DNA2: variants seen among roughly 807,000 people sequenced by gnomAD.
The protein encoded by DNA2 is DNA replication helicase/nuclease 2.
In DNA2, 101 loss-of-function variants were observed where a neutral mutation model predicts 119.1. The observed-to-expected ratio is 0.85, with a 90% CI of 0.72 to 1.00. DNA2 has a LOEUF of 1.00. DNA2 is among the 50% of genes least tolerant of loss of function. DNA2 has a pLI of 0.00. For synonymous variants in DNA2, 366 were observed against 424.4 expected, an observed-to-expected ratio of 0.86 and a Z score of 1.69; for missense variants, 1,121 against 1,255.5, an observed-to-expected ratio of 0.89 and a Z score of 1.62.
chr10:68,425,088 C>CT (rs60065153), intron 14 of DNA2: 2,581 of 130,404 alleles, frequency 0.02, 27 homozygotes, highest in Middle Eastern at 0.031. Context: ...TGGAACATTT[C>CT]TTTTTTTTTT....
At chr10:68,460,532 T>C (rs922317499) in intron 4 of DNA2, among the ~76,000 whole-genome samples, 4 of 151,550 alleles carry the variant, frequency 2.6e-5, no homozygotes, top group Non-Finnish European at 5.9e-5. Flanking sequence ...CTCAGTCCCC[T>C]GAGTAGCTGG....
chr10:68,434,680 C>G (rs147952328), intron 10 of DNA2, among the ~76,000 whole-genome samples: 1 of 151,986 alleles, frequency 6.6e-6, no homozygotes, highest in South Asian at 2.1e-4. Context: ...TATGTCTACA[C>G]GCAAGACCAT....
intron 17 of DNA2, among the ~76,000 whole-genome samples, chr10:68,421,902 C>G (rs1339320399): frequency 6.6e-6 from 1 of 151,968 alleles, no homozygotes; most frequent in Non-Finnish European, 1.5e-5. Context: ...GTAACCTCCG[C>G]CTCCCGGGCT....
At chr10:68,419,687 C>T in intron 18 of DNA2, 116 bp downstream of exon 18, 1 of 711,712 alleles carries the variant, frequency 1.4e-6, no homozygotes, top group South Asian at 1.8e-5. Flanking sequence ...AATGGGGCTT[C>T]AATCCCCCCC....
At chr10:68,439,286 C>T (rs113591742) in intron 9 of DNA2, among the ~76,000 whole-genome samples, 11 of 151,082 alleles carry the variant, frequency 7.3e-5, no homozygotes, top group Non-Finnish European at 1.5e-4. Context: ...CCCAGCTACT[C>T]GGGAGGCTGA....
At chr10:68,457,778 C>T (rs1170177956) in intron 5 of DNA2, among the ~76,000 whole-genome samples, 3 of 146,842 alleles carry the variant, frequency 2.0e-5, no homozygotes, top group African/African-American at 7.5e-5. Flanking sequence ...TAATGCCAAA[C>T]AGCATTAAAT....
chr10:68,445,217 C>G (rs1590063640), intron 7 of DNA2, 134 bp from the exon 8 acceptor site: 1 of 827,128 alleles, frequency 1.2e-6, no homozygotes, highest in African/African-American at 1.7e-5. Flanking sequence ...GTAATCCCAA[C>G]ACTTGGGGAG....
At chr10:68,471,493 A>G (rs1459111431) in intron 1 of DNA2, among the ~76,000 whole-genome samples, 1 of 152,174 alleles carries the variant, frequency 6.6e-6, no homozygotes, top group African/African-American at 2.4e-5. Flanking sequence ...GGCGGTTGCA[A>G]TTTCCTATTA....
chr10:68,424,776 G>T, intron 14 of DNA2: 9 of 1,354,020 alleles, frequency 6.6e-6, no homozygotes, highest in Non-Finnish European at 9.5e-6. Flanking sequence ...GGTAGTCCAG[G>T]TGTACAGAAA....
At chr10:68,468,403 C>A (rs2052351086) in intron 2 of DNA2, 97 bp from the exon 3 acceptor site, 1 of 764,470 alleles carries the variant, frequency 1.3e-6, no homozygotes, top group South Asian at 4.9e-5. Context: ...AGTATTTTAT[C>A]TGAAGAAGAA....
intron 2 of DNA2, 64 bp from the exon 3 acceptor site, chr10:68,468,370 G>T: frequency 2.7e-6 from 3 of 1,093,714 alleles, no homozygotes; most frequent in Non-Finnish European, 2.4e-6. Flanking sequence ...AAACGTATTA[G>T]GGAGGCTTCA....
At chr10:68,425,639 G>T (rs1294483237) in intron 14 of DNA2, among the ~76,000 whole-genome samples, 1 of 151,762 alleles carries the variant, frequency 6.6e-6, no homozygotes, top group Non-Finnish European at 1.5e-5. Context: ...CTGACCTCGT[G>T]ATCCGCCTGC....
At chr10:68,470,342 T>C in intron 1 of DNA2, 179 bp from the exon 2 acceptor site, 4 of 545,466 alleles carry the variant, frequency 7.3e-6, no homozygotes, top group Non-Finnish European at 6.3e-6. Context: ...GAAGAATTCC[T>C]ATTATAAAAA....
chr10:68,416,835 A>G lies in DNA2; in HGVS notation c.2988T>C (p.Asp996=), dbSNP rs369632877. The change falls in exon 20 of 21, where the codon GAT becomes GAC. Residue 996 remains aspartate, a synonymous_variant. Transcript: ENST00000358410. ...TTATAGCAACATTAAGACGTCGCCA[A>G]TCTTTCAAGAGTTCACCAACCTGTA... ...KDGTVGELLK[D]WRRLNVAITR... 1.9e-6 allele frequency: 3 copies of G among 1,609,268 alleles called. No individual in the cohort carries two copies. Among genetic ancestry groups the G allele is most frequent in the Non-Finnish European group, 2.5e-6 (3 of 1,178,174 alleles).
chr10:68,472,115 G>A (rs760915160), upstream of DNA2: 19 of 1,494,672 alleles, frequency 1.3e-5, no homozygotes, highest in Middle Eastern at 1.8e-4. Context: ...AATACAGGGA[G>A]TCTTCATATC....
rs919374154 is a variant in DNA2 at position 68,430,669 on chromosome 10, G to T, written c.1984-9C>A. The T allele has an allele frequency of 1.3e-6, 2 of 1,514,126 alleles. No homozygotes were observed. The highest frequency in any genetic ancestry group is 8.9e-7 in the Non-Finnish European group (1 of 1,127,656). 93.8% of individuals were successfully genotyped at this position (1,514,126 alleles called of 1,614,324 possible). A position where few individuals can be genotyped will look rare whatever the true frequency, so the allele number is the denominator to read the frequency against. On this transcript the variant is annotated splice_polypyrimidine_tract_variant and intron_variant, in intron 13 of 20. Coordinates refer to ENST00000358410, the MANE Select transcript of DNA2 (RefSeq NM_001080449.3). ...GCGTAGAGAATTCTTACCTAATAAT[G>T]GGTAAGAGAAAAAAGAAAAAACAGC...
chr10:68,459,346 AC>A (rs1017826527), intron 4 of DNA2, 111 bp from the exon 5 acceptor site: 2 of 1,148,658 alleles, frequency 1.7e-6, no homozygotes, highest in Non-Finnish European at 2.4e-6. Flanking sequence ...ACAAAAAAAT[AC>A]ATATAAGCAA....
Position 68,465,790 on chromosome 10 carries a change from T to G in DNA2, c.464A>C (p.Gln155Pro). 1 of 1,590,420 alleles carries G rather than the reference T, an allele frequency of 6.3e-7. No homozygotes were observed. The highest frequency in any genetic ancestry group is 8.6e-7 in the Non-Finnish European group (1 of 1,168,894). Reference protein sequence around the residue: ...TFRSSDPATRQMLIGTVLHEV... With the variant: ...TFRSSDPATRPMLIGTVLHEV... ...ATGGAGAACCGTACCAATTAGCATT[T>G]GGCGTGTGGCTGGATCAGAGCTCTA... Residue 155 changes from glutamine to proline, a missense_variant, in exon 4 of 21, where the codon CAA (glutamine) becomes CCA (proline). Transcript: ENST00000358410.
At chr10:68,462,526 A>T (rs1392556432) in intron 4 of DNA2, among the ~76,000 whole-genome samples, 2 of 152,030 alleles carry the variant, frequency 1.3e-5, no homozygotes, top group Non-Finnish European at 2.9e-5. Context: ...GGGTCCTGAG[A>T]GCAAAAGTTT....
Sources: allele counts gnomAD v4.1 joint callset (sites outside exome capture counted in the v4.1 genomes callset), GRCh38; gene constraint gnomAD v4.1.1; transcripts MANE v1.5; gene names NCBI Gene and HGNC (gene_info 2026-07-23, HGNC 2026-07-21).